Variants in EPHA4 observed in about 807,000 individuals in gnomAD.
EPHA4 encodes the protein ephrin type-A receptor 4.
In EPHA4, 19 loss-of-function variants were observed where a neutral mutation model predicts 108.3. That is an observed-to-expected ratio of 0.18 (90% CI 0.12 to 0.26). The LOEUF (loss-of-function observed/expected upper bound fraction) is 0.26, where lower values mean the gene tolerates loss of function less well. Ranked by LOEUF, EPHA4 falls within the 10% of genes least tolerant of loss-of-function variation. The pLI is 1.00. For missense variants in EPHA4, 917 were observed against 1,254.0 expected, an observed-to-expected ratio of 0.73 and a Z score of 4.06; for synonymous variants, 449 against 455.5, an observed-to-expected ratio of 0.99 and a Z score of 0.18.
At position 221,440,916 on chromosome 2, in the gene EPHA4, C is replaced by G. The variant is rs567301629; in HGVS notation, c.2074+1913G>C. 2.0e-5 allele frequency among the ~76,000 whole-genome samples: 3 copies of G among 152,170 alleles called. No homozygotes were observed. In the South Asian group the frequency reaches 6.2e-4, roughly 32 times the overall value. On this transcript the variant is annotated intron_variant, in intron 11 of 17. Transcript: ENST00000281821. The stretch of plus-strand genomic sequence containing the variant: ...GCCAATGGTTCTCAAAGCGTGATTC[C>G]CATACCAGCAGCATTGGCTTCACCT...
chr2:221,499,767 T>A (rs1692435767), intron 4 of EPHA4, among the ~76,000 whole-genome samples: 1 of 127,526 alleles, frequency 7.8e-6, no homozygotes, highest in African/African-American at 3.0e-5. Context: ...TTTTTTTTTT[T>A]TTTTTTTGAG....
At chr2:221,492,029 G>A (rs552906715) in intron 4 of EPHA4, among the ~76,000 whole-genome samples, 42 of 152,036 alleles carry the variant, frequency 2.8e-4, no homozygotes, top group South Asian at 1.7e-3. Context: ...AAGATACCCC[G>A]TTCTCACCCC....
At chr2:221,526,796 G>A (rs1048476477) in intron 3 of EPHA4, among the ~76,000 whole-genome samples, 3 of 140,956 alleles carry the variant, frequency 2.1e-5, no homozygotes, top group Non-Finnish European at 4.5e-5. Context: ...GCAGTGGGCC[G>A]AGATCGAGAT....
chr2:221,570,047 A>G (rs1231765074), intron 1 of EPHA4, among the ~76,000 whole-genome samples: 2 of 148,516 alleles, frequency 1.3e-5, no homozygotes, highest in African/African-American at 5.0e-5. Context: ...CTCTGTCCCT[A>G]GAGAAAAGCC....
intron 3 of EPHA4, among the ~76,000 whole-genome samples, chr2:221,510,700 T>C (rs1692801897): frequency 6.6e-6 from 1 of 152,154 alleles, no homozygotes; most frequent in African/African-American, 2.4e-5. Context: ...ATTAACTCTA[T>C]AAAAAATATT....
At position 221,511,514 on chromosome 2, in the gene EPHA4, C is replaced by T. The variant is rs144910294; in HGVS notation, c.824-10342G>A. ...ACTTCCGATTTCTGTACCTCACTTC[C>T]GATTTCTGTATGTCACTTCCCTTTT... On this transcript the variant is annotated intron_variant, in intron 3 of 17. Coordinates refer to ENST00000281821, the MANE Select transcript of EPHA4 (RefSeq NM_004438.5). Among the ~76,000 whole-genome samples the T allele has an allele frequency of 1.9e-3, 292 of 152,314 alleles. 1 individual carries two copies. Among genetic ancestry groups the T allele is most frequent in the African/African-American group, 6.4e-3 (268 of 41,556 alleles).
intron 13 of EPHA4, among the ~76,000 whole-genome samples, chr2:221,435,079 G>T (rs1468672024): frequency 4.6e-5 from 7 of 152,044 alleles, no homozygotes; most frequent in African/African-American, 1.7e-4. Context: ...GTCTAATTCA[G>T]ACCCCTGAGG....
chr2:221,505,173 T>C (rs1161462463), intron 3 of EPHA4, among the ~76,000 whole-genome samples: 1 of 152,176 alleles, frequency 6.6e-6, no homozygotes, highest in Non-Finnish European at 1.5e-5. Flanking sequence ...GAATACTGGC[T>C]GTGAGTATAA....
rs1441631619 is a variant in EPHA4, at chr2:221,420,057, C to T, written c.*1315G>A. Reference sequence around the variant, plus strand: ...ATATATTTATATCACTGCAATGGCACACCCTGGGTAAAATGTTACTTCCGC... The same window carrying T: ...ATATATTTATATCACTGCAATGGCATACCCTGGGTAAAATGTTACTTCCGC... On this transcript the variant is annotated 3_prime_UTR_variant, in exon 18 of 18. Coordinates refer to ENST00000281821, the MANE Select transcript of EPHA4 (RefSeq NM_004438.5). 1.3e-5 allele frequency: 2 copies of T among 152,736 alleles called. No individual in the cohort carries two copies. Among genetic ancestry groups the T allele is most frequent in the African/African-American group, 2.4e-5 (1 of 41,554 alleles). 9.5% of individuals were successfully genotyped at this position (152,736 alleles called of 1,614,324 possible).
chr2:221,477,250 G>A (rs996104567), intron 5 of EPHA4, among the ~76,000 whole-genome samples: 9 of 152,140 alleles, frequency 5.9e-5, no homozygotes, highest in Admixed American at 1.3e-4. Flanking sequence ...TCAGCATGGG[G>A]CAATGGAGCC....
Position 221,459,901 on chromosome 2 carries a change from T to C in EPHA4, c.1319-1911A>G, listed in dbSNP as rs1195137812. On this transcript the variant is annotated intron_variant, in intron 5 of 17. Transcript: ENST00000281821. ...TCTCTCGGAAATGGTCTTGGTCAGATCCTGATAATCGACAGATTCCTTGAG... is the reference window on the plus strand; with the variant it reads ...TCTCTCGGAAATGGTCTTGGTCAGACCCTGATAATCGACAGATTCCTTGAG... 2.0e-5 allele frequency among the ~76,000 whole-genome samples: 3 copies of C among 152,194 alleles called. No homozygotes were observed. In the East Asian group the frequency reaches 5.8e-4, roughly 29 times the overall value.
At chr2:221,476,859 CCTCTTACACTTAGTTATTT>C (rs1302055170) in intron 5 of EPHA4, among the ~76,000 whole-genome samples, 1 of 151,984 alleles carries the variant, frequency 6.6e-6, no homozygotes, top group East Asian at 1.9e-4. Flanking sequence ...AGACAGTGTG[CCTCTTACACTTAGTTATTT>C]CTTTTCTTTA....
chr2:221,548,835 G>A (rs1231880357), intron 3 of EPHA4, among the ~76,000 whole-genome samples: 1 of 152,118 alleles, frequency 6.6e-6, no homozygotes, highest in African/African-American at 2.4e-5. Flanking sequence ...TAACCTCATA[G>A]TCTAGAAGTT....
intron 4 of EPHA4, among the ~76,000 whole-genome samples, chr2:221,493,207 CA>C (rs1304012849): frequency 6.6e-6 from 1 of 151,970 alleles, no homozygotes; most frequent in African/African-American, 2.4e-5. Flanking sequence ...AGCTCTAAAG[CA>C]AAAAGAAATA....
At chr2:221,464,162 C>T (rs1262982793) in intron 5 of EPHA4, among the ~76,000 whole-genome samples, 1 of 152,158 alleles carries the variant, frequency 6.6e-6, no homozygotes, top group Non-Finnish European at 1.5e-5. Flanking sequence ...CCTTTCCCCT[C>T]CCCAGGATCT....
chr2:221,457,555 T>C (rs377080468), intron 6 of EPHA4, among the ~76,000 whole-genome samples: 2 of 152,344 alleles, frequency 1.3e-5, no homozygotes, highest in East Asian at 3.9e-4. Context: ...TATAGTTATA[T>C]TACAATACAA....
intron 8 of EPHA4, among the ~76,000 whole-genome samples, chr2:221,447,655 G>C (rs895122297): frequency 1.6e-4 from 24 of 152,040 alleles, no homozygotes; most frequent in African/African-American, 5.6e-4. Flanking sequence ...ACTTTTCAAA[G>C]TGCTCTCATC....
intron 3 of EPHA4, among the ~76,000 whole-genome samples, chr2:221,551,599 T>C (rs943690963): frequency 6.6e-6 from 1 of 152,112 alleles, no homozygotes; most frequent in South Asian, 2.1e-4. Context: ...TTTAAAATTA[T>C]TGAAAAAGTT....
At chr2:221,569,974 T>A (rs970119164) in intron 1 of EPHA4, among the ~76,000 whole-genome samples, 3 of 151,450 alleles carry the variant, frequency 2.0e-5, no homozygotes, top group Non-Finnish European at 2.9e-5. Flanking sequence ...CCGCCTGGAG[T>A]TCCCGCCCCC....
Sources: gnomAD v4.1 joint callset for allele counts (sites outside exome capture counted in the v4.1 genomes callset) on GRCh38, gnomAD v4.1.1 for gene constraint, MANE v1.5 for transcripts, NCBI Gene and HGNC (gene_info 2026-07-23, HGNC 2026-07-21) for gene names.